Variants in STAB2 observed in about 807,000 individuals in gnomAD.
STAB2 encodes the protein stabilin 2, also known as stabilin-2.
A neutral mutation model predicts 338.1 loss-of-function variants in STAB2; 288 were observed. That is an observed-to-expected ratio of 0.85 (90% confidence interval 0.77 to 0.94). STAB2 has a LOEUF of 0.94. Among genes scored for constraint, STAB2 ranks in the 40% least tolerant of loss-of-function variants. The pLI, the probability that STAB2 is intolerant of heterozygous loss-of-function variation, is 0.00. For missense variants in STAB2, 3,141 were observed against 3,210.1 expected, an observed-to-expected ratio of 0.98 and a Z score of 0.52; for synonymous variants, 1,202 against 1,193.3, an observed-to-expected ratio of 1.01 and a Z score of -0.15.
chr12:103,737,667 A>G lies in STAB2; in HGVS notation c.5584A>G (p.Ile1862Val). ...CTTTCTGAATGGCCAAACCTGCAGA[A>G]TTGTGCAGCGGGAGCTCTTGTTTGA... ...DLFLNGQTCR[I>V]VQRELLFDLG... The change falls in exon 53 of 69, where the codon ATT (isoleucine) becomes GTT (valine). Residue 1862 changes from isoleucine (I) to valine (V), a missense_variant. Transcript: ENST00000388887. The G allele has an allele frequency of 6.2e-7, 1 of 1,604,440 alleles. No individual in the cohort carries two copies. The highest frequency in any genetic ancestry group is 8.5e-7 in the Non-Finnish European group (1 of 1,178,358).
At chr12:103,656,360 G>A (rs1874175925) in intron 15 of STAB2, among the ~76,000 whole-genome samples, 1 of 152,210 alleles carries the variant, frequency 6.6e-6, no homozygotes, top group African/African-American at 2.4e-5. Context: ...GTGGAGAGAA[G>A]GAGGAAAGGA....
rs757574912 is a variant in STAB2 at position 103,590,886 on chromosome 12, T to A, written c.82-11T>A. ...CAGGAATTAATGTTCTTTTTTTTAATATTTACACAGGCAAGAAGATGTGAT... is the reference window on the plus strand; with the variant it reads ...CAGGAATTAATGTTCTTTTTTTTAAAATTTACACAGGCAAGAAGATGTGAT... On this transcript the variant is annotated splice_polypyrimidine_tract_variant and intron_variant, in intron 1 of 68. Coordinates refer to ENST00000388887, the MANE Select transcript of STAB2 (RefSeq NM_017564.10). 3.1e-6 allele frequency: 5 copies of A among 1,613,880 alleles called. No individual in the cohort carries two copies. Among genetic ancestry groups the A allele is most frequent in the African/African-American group, 1.3e-5 (1 of 74,894 alleles).
chr12:103,702,018 A>C (rs1221424586), intron 34 of STAB2, among the ~76,000 whole-genome samples: 1 of 132,194 alleles, frequency 7.6e-6, no homozygotes, highest in African/African-American at 2.9e-5. Flanking sequence ...ACACACACAC[A>C]CACACCCCAC....
chr12:103,651,654 A>G (rs1873753718), intron 11 of STAB2, among the ~76,000 whole-genome samples: 1 of 152,194 alleles, frequency 6.6e-6, no homozygotes, highest in Non-Finnish European at 1.5e-5. Context: ...TCTGTCTTAA[A>G]TGCTCTGTGA....
intron 7 of STAB2, 96 bp from the exon 8 acceptor site, chr12:103,637,920 T>A: frequency 2.4e-6 from 3 of 1,261,920 alleles, no homozygotes; most frequent in South Asian, 2.9e-5. Context: ...AACTGTGAGT[T>A]GCCTTTGAGG....
At chr12:103,727,428 C>A in intron 47 of STAB2, 78 bp downstream of exon 47, 1 of 1,499,576 alleles carries the variant, frequency 6.7e-7, no homozygotes, top group Non-Finnish European at 9.3e-7. Context: ...GGAACCAAGA[C>A]TGGAGATGTT....
chr12:103,664,068 C>G (rs1874857044), intron 18 of STAB2, among the ~76,000 whole-genome samples: 1 of 152,066 alleles, frequency 6.6e-6, no homozygotes, highest in South Asian at 2.1e-4. Context: ...AGCTTCTGTA[C>G]CCTCTAGCCT....
At chr12:103,735,948 A>G (rs1341530250) in intron 52 of STAB2, among the ~76,000 whole-genome samples, 2 of 151,726 alleles carry the variant, frequency 1.3e-5, no homozygotes, top group Non-Finnish European at 2.9e-5. Context: ...CTGTGACCTC[A>G]CCTCCAACCC....
In STAB2 at chr12:103,587,508, T is replaced by C. The variant is rs1441569721; in HGVS notation, c.32T>C (p.Leu11Pro). ...CTACAACATTTAGTAATTTTTTGTC[T>C]TGGATTGGTTGTACAAAATTTCTGC... MMLQHLVIFC[L>P]GLVVQNFCSP... The change falls in exon 1 of 69, where the codon CTT (leucine) becomes CCT (proline). Residue 11 changes from leucine (L) to proline (P), a missense_variant. Coordinates refer to ENST00000388887, the MANE Select transcript of STAB2 (RefSeq NM_017564.10). 6.2e-7 allele frequency: 1 copy of C among 1,614,092 alleles called. No homozygotes were observed. The highest frequency in any genetic ancestry group is 1.1e-5 in the South Asian group (1 of 91,062).
chr12:103,713,813 A>G (rs774654481), intron 42 of STAB2, 45 bp downstream of exon 42: 2 of 1,608,030 alleles, frequency 1.2e-6, no homozygotes, highest in African/African-American at 1.3e-5. Context: ...TATAAGAGTC[A>G]TAGCCCTATT....
intron 3 of STAB2, among the ~76,000 whole-genome samples, chr12:103,609,090 C>G (rs1217642365): frequency 6.6e-6 from 1 of 152,116 alleles, no homozygotes; most frequent in Non-Finnish European, 1.5e-5. Flanking sequence ...GTTACTGTAG[C>G]CTTGTAGTAT....
At chr12:103,714,730 T>A (rs1442541147) in intron 42 of STAB2, among the ~76,000 whole-genome samples, 1 of 152,100 alleles carries the variant, frequency 6.6e-6, no homozygotes, top group Non-Finnish European at 1.5e-5. Context: ...TCATTTGCTC[T>A]CTTTGTATAT....
At chr12:103,617,645 G>A (rs956809002) in intron 3 of STAB2, among the ~76,000 whole-genome samples, 12 of 152,194 alleles carry the variant, frequency 7.9e-5, no homozygotes, top group African/African-American at 2.7e-4. Flanking sequence ...GCCACTACTA[G>A]CCTAGTTGGT....
At position 103,587,551 on chromosome 12, in the gene STAB2, AG is replaced by A; in HGVS notation, c.78del (p.Gln27ArgfsTer34). 6.2e-7 allele frequency: 1 copy of A among 1,613,380 alleles called. No homozygotes were observed. The highest frequency in any genetic ancestry group is 8.5e-7 in the Non-Finnish European group (1 of 1,179,326). ...ATTTCTGCTCCCCAGCTGAAACCAC[AG>A]GGCAGGTAAGAGGAGACTTACATAT... ...QNFCSPAETT[G>X]QARRCDRKSL... On this transcript the variant is annotated frameshift_variant, in exon 1 of 69. Coordinates refer to ENST00000388887, the MANE Select transcript of STAB2 (RefSeq NM_017564.10). LOFTEE classifies it high-confidence loss of function.
rs10669870 is a variant in STAB2 at position 103,651,314 on chromosome 12, A to ATTT, written c.1257+751_1257+753dup. Among the ~76,000 whole-genome samples the ATTT allele has an allele frequency of 3.0e-3, 402 of 132,686 alleles. 14 individuals are homozygous for ATTT. The highest frequency in any genetic ancestry group is 4.7e-3 in the African/African-American group (164 of 35,088). The allele number at this position is 132,686 out of a possible 152,430, so 87.0% of individuals were successfully genotyped here. A position where few individuals can be genotyped will look rare whatever the true frequency, so the allele number is the denominator to read the frequency against. ...TGTGTTTTTATTTTTCCTGATCTTG[A>ATTT]TTTTTTTTTTTTTTTTTGAGACGGA... is the stretch of plus-strand genomic sequence containing the variant. On this transcript the variant is annotated intron_variant, in intron 11 of 68. Coordinates refer to ENST00000388887, the MANE Select transcript of STAB2 (RefSeq NM_017564.10).
intron 5 of STAB2, among the ~76,000 whole-genome samples, chr12:103,627,307 T>C (rs950327505): frequency 6.6e-6 from 1 of 152,120 alleles, no homozygotes; most frequent in African/African-American, 2.4e-5. Context: ...CCCAAGGAGC[T>C]GGAAATGTGG....
intron 5 of STAB2, among the ~76,000 whole-genome samples, chr12:103,626,119 C>A (rs1957377421): frequency 6.6e-6 from 1 of 152,124 alleles, no homozygotes; most frequent in Non-Finnish European, 1.5e-5. Flanking sequence ...AAGAGAAAAA[C>A]CTCCAAGCTC....
rs1037571177 is a variant in STAB2, at chr12:103,735,587, A to G, written c.5550+7A>G. ...TGGAGCTGGCAGGGACATCGTGAGT[A>G]TCATCATGAAGGGTGGGCAGGGAGG... On this transcript the variant is annotated splice_region_variant and intron_variant, in intron 52 of 68. Coordinates refer to ENST00000388887, the MANE Select transcript of STAB2 (RefSeq NM_017564.10). 2 of 1,571,910 alleles carry G rather than the reference A, an allele frequency of 1.3e-6. No homozygotes were observed. Among genetic ancestry groups the G allele is most frequent in the Non-Finnish European group, 1.7e-6 (2 of 1,148,636 alleles).
chr12:103,695,426 AG>A lies in STAB2; in HGVS notation c.3376-122del. ...TTTTATACTGTGAGTAATCTTCAAAAGGTTGTCAATGTCAATCCATTGAACT... is the reference window on the plus strand; with the variant it reads ...TTTTATACTGTGAGTAATCTTCAAAAGTTGTCAATGTCAATCCATTGAACT... On this transcript the variant is annotated intron_variant, in intron 31 of 68. Transcript: ENST00000388887. 4 of 788,150 alleles carry A rather than the reference AG, an allele frequency of 5.1e-6. No homozygotes were observed. The South Asian group carries it at 7.2e-5, about 14-fold the overall frequency. The allele number at this position is 788,150 out of a possible 1,614,324, so 48.8% of individuals were successfully genotyped here. A position where few individuals can be genotyped will look rare whatever the true frequency, so the allele number is the denominator to read the frequency against.
Sources: allele counts gnomAD v4.1 joint callset (sites outside exome capture counted in the v4.1 genomes callset), GRCh38; gene constraint gnomAD v4.1.1; transcripts MANE v1.5; gene names NCBI Gene and HGNC (gene_info 2026-07-23, HGNC 2026-07-21).